LPCAT1: variants seen among roughly 807,000 people sequenced by gnomAD.
The protein encoded by LPCAT1 is lysophosphatidylcholine acyltransferase 1.
In LPCAT1, 23 loss-of-function variants were observed where a neutral mutation model predicts 60.9. The observed-to-expected ratio is 0.38, with a 90% confidence interval of 0.27 to 0.53. LPCAT1 has a LOEUF of 0.53. Ranked by LOEUF, LPCAT1 falls within the 20% of genes least tolerant of loss-of-function variation. The pLI is 0.82. For missense variants in LPCAT1, 622 were observed against 723.6 expected (o/e 0.86, Z 1.61); for synonymous variants, 340 against 301.1 (o/e 1.13, Z -1.34).
chr5:1,473,006 A>T (rs907955004), intron 11 of LPCAT1, among the ~76,000 whole-genome samples: 1 of 151,328 alleles, frequency 6.6e-6, no homozygotes, highest in Non-Finnish European at 1.5e-5. Flanking sequence ...GCTCTCTCCA[A>T]CCAGGGAGTC....
intron 11 of LPCAT1, among the ~76,000 whole-genome samples, chr5:1,473,448 G>T (rs1734770433): frequency 6.6e-6 from 1 of 152,264 alleles, no homozygotes; most frequent in Admixed American, 6.5e-5. Flanking sequence ...CACCTGGTGT[G>T]ACCGTGGATG....
Position 1,495,014 on chromosome 5 carries a change from G to T in LPCAT1, c.279-100C>A. On this transcript the variant is annotated intron_variant, in intron 2 of 13. Coordinates refer to ENST00000283415, the MANE Select transcript of LPCAT1 (RefSeq NM_024830.5). The surrounding 1 kb of genome is among the most constrained non-coding windows in gnomAD (Gnocchi z 4.7). The stretch of plus-strand genomic sequence containing the variant: ...CCACGGGAGAGCCCTCCAGGGCGCA[G>T]TCCAGGCCACGGGCTTCCTGTGGTC... 8.7e-7 allele frequency: 1 copy of T among 1,144,986 alleles called. No individual in the cohort carries two copies. The highest frequency in any genetic ancestry group is 1.2e-6 in the Non-Finnish European group (1 of 813,862). 70.9% of individuals were successfully genotyped at this position (1,144,986 alleles called of 1,614,324 possible). A position where few individuals can be genotyped will look rare whatever the true frequency, so the allele number is the denominator to read the frequency against.
chr5:1,504,515 G>A (rs1169538367), intron 1 of LPCAT1, among the ~76,000 whole-genome samples: 3 of 152,190 alleles, frequency 2.0e-5, no homozygotes, highest in Admixed American at 6.5e-5. Flanking sequence ...TCGGGAGTTC[G>A]AGACCAGCCT....
At chr5:1,464,048 C>G (rs1734221577) in intron 13 of LPCAT1, among the ~76,000 whole-genome samples, 1 of 152,210 alleles carries the variant, frequency 6.6e-6, no homozygotes, top group African/African-American at 2.4e-5. Context: ...CCGGGGCAGG[C>G]TGGGTGTCCT....
intron 1 of LPCAT1, among the ~76,000 whole-genome samples, chr5:1,506,984 C>A (rs1490764153): frequency 6.6e-6 from 1 of 152,208 alleles, no homozygotes; most frequent in Admixed American, 6.5e-5. Context: ...GGGCAGCATG[C>A]GGAACCAAGA....
rs542019894 is a variant in LPCAT1, at chr5:1,465,272, A to G, written c.1421-1437T>C. On this transcript the variant is annotated intron_variant, in intron 13 of 13. Coordinates refer to ENST00000283415, the MANE Select transcript of LPCAT1 (RefSeq NM_024830.5). ...AGCAACTAAACACACATGCCCATGC[A>G]CACACACACACGCACGGTACTAAAC... Among the ~76,000 whole-genome samples, 26 of 145,218 alleles carry G rather than the reference A, an allele frequency of 1.8e-4. No individual in the cohort carries two copies. The South Asian group carries it at 2.7e-3, about 15-fold the overall frequency.
chr5:1,488,019 T>C (rs1735436257), intron 5 of LPCAT1, among the ~76,000 whole-genome samples: 1 of 152,162 alleles, frequency 6.6e-6, no homozygotes, highest in Non-Finnish European at 1.5e-5. Flanking sequence ...GATTTGCACC[T>C]GGGATTCCCA....
chr5:1,490,020 G>C (rs1735516701), intron 3 of LPCAT1, among the ~76,000 whole-genome samples, 162 bp from the exon 4 acceptor site: 1 of 152,228 alleles, frequency 6.6e-6, no homozygotes, highest in Admixed American at 6.5e-5. Context: ...CTGAGGGAAC[G>C]GGAACAGCAC....
intron 9 of LPCAT1, among the ~76,000 whole-genome samples, chr5:1,475,248 G>A (rs1270295135): frequency 6.6e-6 from 1 of 152,226 alleles, no homozygotes; most frequent in African/African-American, 2.4e-5. Context: ...GTTCCCCTTG[G>A]CAAACTTAGG....
chr5:1,477,071 G>A lies in LPCAT1; in HGVS notation c.899+333C>T, dbSNP rs576320096. 8.5e-5 allele frequency among the ~76,000 whole-genome samples: 13 copies of A among 152,342 alleles called. No homozygotes were observed. The highest frequency in any genetic ancestry group is 2.0e-4 in the Admixed American group (3 of 15,306). ...ATGAGCAAAGGTAGGCGTGGAGGCC[G>A]CCGCACAGATGTGAAGTTGGCCCAG... On this transcript the variant is annotated intron_variant, in intron 9 of 13. Transcript: ENST00000283415. The surrounding 1 kb of genome is among the most constrained non-coding windows in gnomAD (Gnocchi z 6.0).
chr5:1,482,296 G>C (rs1489959112), intron 6 of LPCAT1, among the ~76,000 whole-genome samples: 1 of 150,846 alleles, frequency 6.6e-6, no homozygotes, highest in Non-Finnish European at 1.5e-5. Context: ...GGTCGCCTAA[G>C]TGGGGAGGGC....
chr5:1,513,118 C>G lies in LPCAT1; in HGVS notation c.135+10592G>C, dbSNP rs1361206481. The stretch of plus-strand genomic sequence containing the variant: ...ACAGCCGATGCCCCAGTTCCTGCTT[C>G]AAGATGACCGATGGCAGGCAGGTGC... On this transcript the variant is annotated intron_variant, in intron 1 of 13. Coordinates refer to ENST00000283415, the MANE Select transcript of LPCAT1 (RefSeq NM_024830.5). Among the ~76,000 whole-genome samples the G allele has an allele frequency of 3.3e-5, 5 of 152,326 alleles. No individual in the cohort carries two copies. In the South Asian group the frequency reaches 1.0e-3, roughly 32 times the overall value.
chr5:1,469,116 G>A (rs1471878116), intron 12 of LPCAT1, among the ~76,000 whole-genome samples: 1 of 152,228 alleles, frequency 6.6e-6, no homozygotes, highest in African/African-American at 2.4e-5. Context: ...GCGGGACCCT[G>A]GTGTCGCCGT....
In LPCAT1 at chr5:1,467,186, G is replaced by A. The variant is rs375173051; in HGVS notation, c.1279-296C>T. The A allele has an allele frequency of 8.1e-4, 278 of 341,702 alleles. 2 individuals carry two copies. The highest frequency in any genetic ancestry group is 5.6e-3 in the African/African-American group (265 of 47,588). The allele number at this position is 341,702 out of a possible 1,614,324, so 21.2% of individuals were successfully genotyped here. A position where few individuals can be genotyped will look rare whatever the true frequency, so the allele number is the denominator to read the frequency against. On this transcript the variant is annotated intron_variant, in intron 12 of 13. Transcript: ENST00000283415. Reference sequence around the variant, plus strand: ...CTCAGCAAACCAACCAGCACCTGTGGCTGCCACTGGGAGGCCGCGGAAGGG... The same window carrying A: ...CTCAGCAAACCAACCAGCACCTGTGACTGCCACTGGGAGGCCGCGGAAGGG...
chr5:1,499,668 A>G (rs1219900084), intron 2 of LPCAT1, among the ~76,000 whole-genome samples: 1 of 152,076 alleles, frequency 6.6e-6, no homozygotes, highest in Non-Finnish European at 1.5e-5. Flanking sequence ...ACCACTACCC[A>G]GCAAGCTGCT....
Position 1,483,545 on chromosome 5 carries a change from G to C in LPCAT1, c.668-59C>G, listed in dbSNP as rs1735246005. 25 of 1,557,418 alleles carry C rather than the reference G, an allele frequency of 1.6e-5. No homozygotes were observed. The highest frequency in any genetic ancestry group is 2.1e-5 in the Non-Finnish European group (24 of 1,132,192). On this transcript the variant is annotated intron_variant, in intron 5 of 13. Transcript: ENST00000283415. This position sits in a 1 kb window ranked among gnomAD's most constrained non-coding sequence, Gnocchi z 9.2. ...CAGCCCACGCAGGACAGCGTCTGCT[G>C]CGTTTCTCATGCTGCCCTTGGGATA...
Position 1,480,449 on chromosome 5 carries a change from G to T in LPCAT1, c.761+493C>A. On this transcript the variant is annotated intron_variant, in intron 7 of 13. Transcript: ENST00000283415. This position sits in a 1 kb window ranked among gnomAD's most constrained non-coding sequence, Gnocchi z 6.4. ...GAGGCCCTGACCAGCCTGTGGCCCCGGGCTTCTCCTCTGGGGCTCGTTCCC... is the reference window on the plus strand; with the variant it reads ...GAGGCCCTGACCAGCCTGTGGCCCCTGGCTTCTCCTCTGGGGCTCGTTCCC... The T allele has an allele frequency of 1.2e-6, 1 of 841,418 alleles. No homozygotes were observed. Among genetic ancestry groups the T allele is most frequent in the Non-Finnish European group, 1.4e-6 (1 of 698,492 alleles). The allele number at this position is 841,418 out of a possible 1,614,324, so 52.1% of individuals were successfully genotyped here.
In LPCAT1 at chr5:1,481,773, G is replaced by A. The variant is rs1449407824; in HGVS notation, c.727-797C>T. On this transcript the variant is annotated intron_variant, in intron 6 of 13. Coordinates refer to ENST00000283415, the MANE Select transcript of LPCAT1 (RefSeq NM_024830.5). The surrounding 1 kb of genome is among the most constrained non-coding windows in gnomAD (Gnocchi z 7.8). The stretch of plus-strand genomic sequence containing the variant: ...GCAGCGGAGGCAGGAAGGGGCCCTT[G>A]GCCAGGAGCCTGGCTGACAAACGCA... Among the ~76,000 whole-genome samples the A allele has an allele frequency of 6.6e-6, 1 of 152,274 alleles. No homozygotes were observed. Among genetic ancestry groups the A allele is most frequent in the Non-Finnish European group, 1.5e-5 (1 of 68,048 alleles).
At chr5:1,475,691 G>A (rs1464799887) in intron 9 of LPCAT1, among the ~76,000 whole-genome samples, 1 of 152,242 alleles carries the variant, frequency 6.6e-6, no homozygotes, top group Non-Finnish European at 1.5e-5. Context: ...CAGCCGGGAG[G>A]AGGCGCTGCC....
Sources: allele counts gnomAD v4.1 joint callset (sites outside exome capture counted in the v4.1 genomes callset), GRCh38; gene constraint gnomAD v4.1.1; non-coding constraint Gnocchi (gnomAD v3.1); transcripts MANE v1.5; gene names NCBI Gene and HGNC (gene_info 2026-07-23, HGNC 2026-07-21).